FABP7: variants seen among roughly 807,000 people sequenced by gnomAD.
The protein encoded by FABP7 is fatty acid binding protein 7.
A neutral mutation model predicts 14.2 loss-of-function variants in FABP7; 13 were observed. The observed-to-expected ratio is 0.91, with a 90% confidence interval of 0.59 to 1.45. FABP7 has a LOEUF of 1.45. FABP7 is among the 40% of genes most tolerant of loss of function. FABP7 has a pLI of 0.00. For missense variants in FABP7, 149 were observed against 157.6 expected, an observed-to-expected ratio of 0.95 and a Z score of 0.29; for synonymous variants, 49 against 51.4, an observed-to-expected ratio of 0.95 and a Z score of 0.20.
At chr6:122,772,263 A>T in the FABP7 span, among the ~76,000 whole-genome samples, 1 of 152,168 alleles carries the variant, frequency 6.6e-6, no homozygotes, top group African/African-American at 2.4e-5. Context: ...AACCCAAAAT[A>T]TGCAAAAAGT....
At chr6:122,780,570 A>G in intron 2 of FABP7, 107 bp downstream of exon 2, 12 of 1,222,448 alleles carry the variant, frequency 9.8e-6, no homozygotes, top group Non-Finnish European at 1.4e-5. Flanking sequence ...GAATATTTTC[A>G]GTATTTCAAT....
At chr6:122,767,161 T>C in the FABP7 span, among the ~76,000 whole-genome samples, 1 of 152,092 alleles carries the variant, frequency 6.6e-6, no homozygotes, top group Non-Finnish European at 1.5e-5. Flanking sequence ...GTCAATATCA[T>C]AGAAGTATCA....
At position 122,781,202 on chromosome 6, in the gene FABP7, A is replaced by G; in HGVS notation, c.348+8A>G. The G allele has an allele frequency of 6.2e-7, 1 of 1,613,782 alleles. No individual in the cohort carries two copies. The highest frequency in any genetic ancestry group is 8.5e-7 in the Non-Finnish European group (1 of 1,179,816). On this transcript the variant is annotated splice_region_variant and intron_variant, in intron 3 of 3. Transcript: ENST00000368444. ...GATGGCAAAATGGTTATGGTAAGTA[A>G]TGACAATTCTCCATTCTTCCTTGTT...
At chr6:122,760,218 A>T in the FABP7 span, among the ~76,000 whole-genome samples, 2 of 152,224 alleles carry the variant, frequency 1.3e-5, no homozygotes, top group Admixed American at 1.3e-4. Context: ...GATGGAGAAC[A>T]TTTCCATCAC....
At chr6:122,775,682 C>T (rs1780659278), upstream of FABP7, among the ~76,000 whole-genome samples, 2 of 137,852 alleles carry the variant, frequency 1.5e-5, no homozygotes, top group South Asian at 4.8e-4. Context: ...AGTTGAAAAC[C>T]TCTTCACAAC....
chr6:122,766,950 T>C, the FABP7 span, among the ~76,000 whole-genome samples: 3 of 152,134 alleles, frequency 2.0e-5, no homozygotes, highest in Non-Finnish European at 4.4e-5. Context: ...CTAAAGTCAG[T>C]TGTATTTCTA....
At chr6:122,758,620 T>C in the FABP7 span, among the ~76,000 whole-genome samples, 1 of 152,288 alleles carries the variant, frequency 6.6e-6, no homozygotes, top group African/African-American at 2.4e-5. Context: ...AAATGTGAAT[T>C]TATGTCCATT....
At chr6:122,749,666 A>G in the FABP7 span, among the ~76,000 whole-genome samples, 1 of 152,160 alleles carries the variant, frequency 6.6e-6, no homozygotes, top group Non-Finnish European at 1.5e-5. Context: ...AATGCCACAA[A>G]TGTTTGTGGG....
chr6:122,749,795 A>G, the FABP7 span, among the ~76,000 whole-genome samples: 4 of 152,220 alleles, frequency 2.6e-5, no homozygotes, highest in African/African-American at 9.6e-5. Context: ...TCTCACAGAC[A>G]AGAAGAAGGC....
chr6:122,770,153 C>T, the FABP7 span, among the ~76,000 whole-genome samples: 1 of 151,906 alleles, frequency 6.6e-6, no homozygotes, highest in Non-Finnish European at 1.5e-5. Flanking sequence ...TCTGGAGGCC[C>T]AAATGAACCA....
chr6:122,759,791 GA>G, the FABP7 span, among the ~76,000 whole-genome samples: 339 of 152,178 alleles, frequency 2.2e-3, 2 homozygotes, highest in African/African-American at 8.0e-3. Flanking sequence ...GATTCATTTG[GA>G]AATGCCATTT....
the FABP7 span, among the ~76,000 whole-genome samples, chr6:122,765,552 G>T: frequency 2.6e-5 from 4 of 151,860 alleles, no homozygotes; most frequent in African/African-American, 9.7e-5. Flanking sequence ...ATTCTGTCTT[G>T]TCTAATATTT....
chr6:122,770,912 A>G, the FABP7 span, among the ~76,000 whole-genome samples: 2 of 152,114 alleles, frequency 1.3e-5, no homozygotes, highest in African/African-American at 4.8e-5. Flanking sequence ...GTATTTCCAA[A>G]CTTCCCTATA....
At chr6:122,780,985 A>T in intron 2 of FABP7, 108 bp from the exon 3 acceptor site, 3 of 1,303,940 alleles carry the variant, frequency 2.3e-6, no homozygotes, top group Non-Finnish European at 2.1e-6. Flanking sequence ...TAATTAACTG[A>T]TCATGATTTA....
At chr6:122,752,670 T>C in the FABP7 span, among the ~76,000 whole-genome samples, 2 of 152,162 alleles carry the variant, frequency 1.3e-5, no homozygotes, top group Non-Finnish European at 1.5e-5. Context: ...CTTCTGAAAG[T>C]GAAAGGGGAC....
upstream of FABP7, among the ~76,000 whole-genome samples, chr6:122,775,909 G>T (rs1168498069): frequency 6.6e-6 from 1 of 151,982 alleles, no homozygotes; most frequent in Admixed American, 6.6e-5. Context: ...ATTTCTCAAA[G>T]AAGAGATAAG....
upstream of FABP7, among the ~76,000 whole-genome samples, chr6:122,776,457 C>T (rs933956801): frequency 4.6e-5 from 7 of 151,552 alleles, no homozygotes; most frequent in African/African-American, 1.7e-4. Flanking sequence ...TATGTGGGAG[C>T]CAAAAAAAAT....
intron 2 of FABP7, 153 bp downstream of exon 2, chr6:122,780,616 A>C: frequency 1.3e-6 from 1 of 792,836 alleles, no homozygotes; most frequent in Non-Finnish European, 2.0e-6. Context: ...TTTAATGTGC[A>C]TATGTTATAT....
chr6:122,777,845 A>AAAATAAATAAATAAATAAATAAAT (rs56666229), upstream of FABP7, among the ~76,000 whole-genome samples: 5,367 of 143,772 alleles, frequency 0.037, 297 homozygotes, highest in Admixed American at 0.13. Context: ...CCTTTCTCCA[A>AAAATAAATAAATAAATAAATAAAT]AAATAAATAA....
Sources: gnomAD v4.1 joint callset for allele counts (sites outside exome capture counted in the v4.1 genomes callset) on GRCh38, gnomAD v4.1.1 for gene constraint, MANE v1.5 for transcripts, NCBI Gene and HGNC (gene_info 2026-07-23, HGNC 2026-07-21) for gene names.